The following CNTN5 variants were observed in gnomAD, a reference collection of about 807,000 sequenced individuals.
CNTN5 encodes contactin 5.
CNTN5 carries 77 observed loss-of-function variants against 129.1 expected under a neutral mutation model. The ratio of observed to expected loss-of-function variants is 0.60; its 90% CI spans 0.50 to 0.72. The LOEUF (loss-of-function observed/expected upper bound fraction) is 0.72. Among genes scored for constraint, CNTN5 ranks in the 30% least tolerant of loss-of-function variants. The pLI is 0.00. For missense variants in CNTN5, 1,478 were observed against 1,328.8 expected (o/e 1.11, Z -1.75); for synonymous variants, 509 against 465.6 (o/e 1.09, Z -1.20).
In CNTN5 at chr11:100,074,032, G is replaced by A. The variant is rs115304271; in HGVS notation, c.1430-112G>A. 4.0e-4 allele frequency: 379 copies of A among 953,078 alleles called. 1 individual carries two copies. The highest frequency in any genetic ancestry group is 2.9e-3 in the African/African-American group (177 of 60,264). The allele number at this position is 953,078 out of a possible 1,614,324, so 59.0% of individuals were successfully genotyped here. A position where few individuals can be genotyped will look rare whatever the true frequency, so the allele number is the denominator to read the frequency against. On this transcript the variant is annotated intron_variant, in intron 12 of 24. Coordinates refer to ENST00000524871, the MANE Select transcript of CNTN5 (RefSeq NM_014361.4). ...CCTTTTTCATGTGTAGATATACTATGATTTTATGAGAAATGCCTCCCAGAA... is the reference window on the plus strand; with the variant it reads ...CCTTTTTCATGTGTAGATATACTATAATTTTATGAGAAATGCCTCCCAGAA...
chr11:99,424,867 G>T (rs1228546050), intron 2 of CNTN5, among the ~76,000 whole-genome samples: 2 of 152,238 alleles, frequency 1.3e-5, no homozygotes, highest in South Asian at 4.1e-4. Flanking sequence ...AATGAGGTAC[G>T]TGGACAACTG....
intron 3 of CNTN5, among the ~76,000 whole-genome samples, chr11:99,775,727 G>A (rs548754095): frequency 1.3e-5 from 2 of 151,740 alleles, no homozygotes; most frequent in Non-Finnish European, 2.9e-5. Context: ...GTAGAATTTT[G>A]TACTCACGTT....
intron 15 of CNTN5, among the ~76,000 whole-genome samples, chr11:100,199,702 T>C (rs538066365): frequency 9.2e-5 from 14 of 151,672 alleles, no homozygotes; most frequent in African/African-American, 3.4e-4. Flanking sequence ...AATAAGAATG[T>C]CCATCTTTTT....
intron 1 of CNTN5, among the ~76,000 whole-genome samples, chr11:99,244,148 T>G (rs1329039103): frequency 2.6e-5 from 4 of 152,192 alleles, no homozygotes; most frequent in Admixed American, 2.0e-4. Context: ...CTTTTAGCAG[T>G]GTTTTATAGT....
intron 1 of CNTN5, among the ~76,000 whole-genome samples, chr11:99,239,548 T>C (rs1861436708): frequency 6.6e-6 from 1 of 152,136 alleles, no homozygotes; most frequent in Non-Finnish European, 1.5e-5. Flanking sequence ...ACTGTAGCTT[T>C]CCAACTGTGA....
intron 3 of CNTN5, among the ~76,000 whole-genome samples, chr11:99,773,667 GATA>G (rs549796212): frequency 3.3e-5 from 5 of 151,712 alleles, no homozygotes; most frequent in Admixed American, 6.6e-5. Flanking sequence ...TTTTTAAAGT[GATA>G]ATAGTAATAT....
chr11:99,640,285 C>A (rs604534), intron 3 of CNTN5, among the ~76,000 whole-genome samples: 1 of 151,952 alleles, frequency 6.6e-6, no homozygotes, highest in Non-Finnish European at 1.5e-5. Context: ...TTGTTTTCAC[C>A]CTGCTGATAA....
rs1405601404 is a variant in CNTN5, at chr11:99,258,795, T to C, written c.-209-66551T>C. Reference sequence around the variant, plus strand: ...GTTGAATGTAAATTTCACTGTCTATTTAGTCAGTAGGTAAAAAGTTGTGAT... The same window carrying C: ...GTTGAATGTAAATTTCACTGTCTATCTAGTCAGTAGGTAAAAAGTTGTGAT... On this transcript the variant is annotated intron_variant, in intron 1 of 24. Coordinates refer to ENST00000524871, the MANE Select transcript of CNTN5 (RefSeq NM_014361.4). Among the ~76,000 whole-genome samples, 5 of 151,926 alleles carry C rather than the reference T, an allele frequency of 3.3e-5. No homozygotes were observed. The East Asian group carries it at 9.6e-4, about 29-fold the overall frequency.
At chr11:99,698,414 A>G (rs1954367699) in intron 3 of CNTN5, among the ~76,000 whole-genome samples, 2 of 151,412 alleles carry the variant, frequency 1.3e-5, no homozygotes, top group African/African-American at 2.4e-5. Flanking sequence ...TCCCTTTGTA[A>G]TAAATTATAT....
Position 99,382,845 on chromosome 11 carries a change from C to CCTTTTTTTTT in CNTN5, c.-71+57361_-71+57362insCTTTTTTTTT, listed in dbSNP as rs1417732458. On this transcript the variant is annotated intron_variant, in intron 2 of 24. Coordinates refer to ENST00000524871, the MANE Select transcript of CNTN5 (RefSeq NM_014361.4). Reference sequence around the variant, plus strand: ...ACATCTCACTAGTGTCTCTAAATAACTTTTTTTTTTTTTTTTTTTTTTTTT... The same window carrying CCTTTTTTTTT: ...ACATCTCACTAGTGTCTCTAAATAACCTTTTTTTTTTTTTTTTTTTTTTTTTTTTTTTTTT... 7.5e-4 allele frequency among the ~76,000 whole-genome samples: 58 copies of CCTTTTTTTTT among 77,044 alleles called. 8 individuals are homozygous for CCTTTTTTTTT. The East Asian group carries it at 0.016, about 22-fold the overall frequency. The allele number at this position is 77,044 out of a possible 152,430, so 50.5% of individuals were successfully genotyped here. A position where few individuals can be genotyped will look rare whatever the true frequency, so the allele number is the denominator to read the frequency against.
At chr11:99,586,236 C>G (rs926530745) in intron 3 of CNTN5, among the ~76,000 whole-genome samples, 1 of 152,076 alleles carries the variant, frequency 6.6e-6, no homozygotes. Context: ...TACCATCATC[C>G]CACAAGCTCA....
chr11:100,331,372 ACACAATAACAG>A (rs1951903009), intron 21 of CNTN5, among the ~76,000 whole-genome samples: 3 of 152,272 alleles, frequency 2.0e-5, no homozygotes, highest in Admixed American at 2.0e-4. Flanking sequence ...ATACATGACA[ACACAATAACAG>A]TGGGATACTT....
chr11:100,211,999 C>A (rs954383937), intron 15 of CNTN5, among the ~76,000 whole-genome samples: 1 of 152,064 alleles, frequency 6.6e-6, no homozygotes, highest in African/African-American at 2.4e-5. Flanking sequence ...GGATGACTTT[C>A]CCCCTACTTT....
chr11:99,828,914 C>G lies in CNTN5; in HGVS notation c.277+9149C>G, dbSNP rs147058833. Among the ~76,000 whole-genome samples, 205 of 152,224 alleles carry G rather than the reference C, an allele frequency of 1.3e-3. 2 individuals carry two copies. In the East Asian group the frequency reaches 0.031, roughly 23 times the overall value. ...ATATTCCCATATTCATGGAATGTATCTGTACTTGCTATATTCTATTTCCAG... is the reference window on the plus strand; with the variant it reads ...ATATTCCCATATTCATGGAATGTATGTGTACTTGCTATATTCTATTTCCAG... On this transcript the variant is annotated intron_variant, in intron 4 of 24. Transcript: ENST00000524871.
chr11:99,657,005 G>GA (rs1356856319), intron 3 of CNTN5, among the ~76,000 whole-genome samples: 6 of 149,664 alleles, frequency 4.0e-5, no homozygotes, highest in African/African-American at 1.5e-4. Context: ...ATGTTGCCTG[G>GA]AAAAAATGTC....
At chr11:99,794,790 C>T (rs1036641396) in intron 3 of CNTN5, among the ~76,000 whole-genome samples, 1 of 152,126 alleles carries the variant, frequency 6.6e-6, no homozygotes, top group Non-Finnish European at 1.5e-5. Flanking sequence ...TGGAAAGGCC[C>T]ACTGTTAGCC....
intron 13 of CNTN5, among the ~76,000 whole-genome samples, chr11:100,136,905 T>A (rs1946544451): frequency 1.3e-5 from 2 of 151,952 alleles, no homozygotes; most frequent in Admixed American, 1.3e-4. Flanking sequence ...AAGTCTATGG[T>A]AATGTGAACT....
At chr11:99,247,895 T>G (rs531789492) in intron 1 of CNTN5, among the ~76,000 whole-genome samples, 64 of 152,346 alleles carry the variant, frequency 4.2e-4, no homozygotes, top group African/African-American at 1.5e-3. Context: ...AAGTCTTTGC[T>G]ATTGTGAATA....
chr11:99,796,248 C>T lies in CNTN5; in HGVS notation c.56-23296C>T, dbSNP rs540431224. On this transcript the variant is annotated intron_variant, in intron 3 of 24. Transcript: ENST00000524871. ...ACAGGTCTGCTGGAATCTCTGGGCA[C>T]ATTTGCACCAGCAATGGTGGCACAG... Among the ~76,000 whole-genome samples, 4 of 152,194 alleles carry T rather than the reference C, an allele frequency of 2.6e-5. No individual in the cohort carries two copies. The East Asian group carries it at 7.7e-4, about 29-fold the overall frequency.
Sources: allele counts gnomAD v4.1 joint callset (sites outside exome capture counted in the v4.1 genomes callset), GRCh38; gene constraint gnomAD v4.1.1; transcripts MANE v1.5; gene names NCBI Gene and HGNC (gene_info 2026-07-23, HGNC 2026-07-21).